Variants in PRKN observed in about 807,000 individuals in gnomAD.
PRKN encodes the protein parkin RBR E3 ubiquitin protein ligase.
A neutral mutation model predicts 59.5 loss-of-function variants in PRKN; 56 were observed. The ratio of observed to expected loss-of-function variants is 0.94; its 90% CI spans 0.76 to 1.18. The LOEUF is 1.18. PRKN is among the 50% of genes most tolerant of loss of function. The pLI is 0.00. For missense variants in PRKN, 657 were observed against 596.4 expected (o/e 1.10, Z -1.06); for synonymous variants, 250 against 222.1 (o/e 1.13, Z -1.12).
intron 1 of PRKN, among the ~76,000 whole-genome samples, chr6:162,564,260 G>A (rs573561588): frequency 4.9e-4 from 74 of 152,040 alleles, no homozygotes; most frequent in Non-Finnish European, 7.4e-4. Flanking sequence ...CAGAAGAATC[G>A]CTTGAATCAG....
At chr6:161,491,646 T>TTG (rs1777561015) in intron 9 of PRKN, among the ~76,000 whole-genome samples, 1 of 152,030 alleles carries the variant, frequency 6.6e-6, no homozygotes, top group African/African-American at 2.4e-5. Flanking sequence ...CTTTTTTTTT[T>TTG]TTGAGATGAA....
intron 1 of PRKN, among the ~76,000 whole-genome samples, chr6:162,501,762 G>A (rs1325649793): frequency 1.1e-4 from 17 of 152,192 alleles, no homozygotes; most frequent in Admixed American, 8.5e-4. Context: ...CAGAACCAAC[G>A]CTTACATTAA....
At chr6:162,438,411 T>C (rs1205089595) in intron 2 of PRKN, among the ~76,000 whole-genome samples, 2 of 152,184 alleles carry the variant, frequency 1.3e-5, no homozygotes, top group African/African-American at 4.8e-5. Flanking sequence ...CAAAATTCCT[T>C]TTTTTGTTGT....
intron 1 of PRKN, among the ~76,000 whole-genome samples, chr6:162,657,179 C>T (rs558808086): frequency 9.7e-4 from 147 of 152,276 alleles, no homozygotes; most frequent in African/African-American, 3.4e-3. Flanking sequence ...AAAATGAATA[C>T]ATTGATGCAA....
chr6:162,582,737 A>G (rs949771283), intron 1 of PRKN, among the ~76,000 whole-genome samples: 4 of 152,216 alleles, frequency 2.6e-5, no homozygotes, highest in Non-Finnish European at 5.9e-5. Flanking sequence ...CTAGGTACTC[A>G]GTGGGTCTCT....
At chr6:161,801,534 G>T (rs929090202) in intron 6 of PRKN, among the ~76,000 whole-genome samples, 6 of 152,182 alleles carry the variant, frequency 3.9e-5, no homozygotes, top group African/African-American at 1.4e-4. Flanking sequence ...TATAAACATC[G>T]AACAGTGTCA....
chr6:162,616,843 G>C (rs993712742), intron 1 of PRKN, among the ~76,000 whole-genome samples: 1 of 152,062 alleles, frequency 6.6e-6, no homozygotes. Context: ...AACATCAGCA[G>C]GAATAAGACT....
chr6:162,045,028 T>G (rs1582947574), intron 5 of PRKN, among the ~76,000 whole-genome samples: 1 of 152,180 alleles, frequency 6.6e-6, no homozygotes, highest in Admixed American at 6.5e-5. Flanking sequence ...TCCCAAACTA[T>G]GAAAGCAGTG....
intron 9 of PRKN, among the ~76,000 whole-genome samples, chr6:161,449,251 A>C (rs1438922270): frequency 6.6e-6 from 1 of 152,208 alleles, no homozygotes; most frequent in Non-Finnish European, 1.5e-5. Flanking sequence ...CCCACGATTT[A>C]GCATGTCCTC....
At position 161,651,402 on chromosome 6, in the gene PRKN, A is replaced by C. The variant is rs532925159; in HGVS notation, c.872-81986T>G. Among the ~76,000 whole-genome samples the C allele has an allele frequency of 9.8e-5, 15 of 152,316 alleles. No homozygotes were observed. The South Asian group carries it at 3.1e-3, about 32-fold the overall frequency. On this transcript the variant is annotated intron_variant, in intron 7 of 11. Transcript: ENST00000366898. ...GCTGTCAACCTGTATGTTCCTCCTGAATAAGTCCCTGAGGGTGGGAGCAGA... is the reference window on the plus strand; with the variant it reads ...GCTGTCAACCTGTATGTTCCTCCTGCATAAGTCCCTGAGGGTGGGAGCAGA...
intron 4 of PRKN, among the ~76,000 whole-genome samples, chr6:162,145,477 C>T (rs1254211316): frequency 6.6e-6 from 1 of 152,132 alleles, no homozygotes; most frequent in Non-Finnish European, 1.5e-5. Context: ...ATTATTGTTG[C>T]TAGTGGAGAG....
At chr6:162,305,211 A>G (rs9456762) in intron 2 of PRKN, among the ~76,000 whole-genome samples, 18,805 of 152,118 alleles carry the variant, frequency 0.12, 2,487 homozygotes, top group African/African-American at 0.34. Flanking sequence ...AAGTTTGCCA[A>G]TATGTCATGG....
intron 1 of PRKN, among the ~76,000 whole-genome samples, chr6:162,646,064 C>T (rs1413570738): frequency 1.3e-5 from 2 of 151,380 alleles, no homozygotes; most frequent in Non-Finnish European, 2.9e-5. Context: ...TTAGTAGAGA[C>T]GGTTTCACCG....
At chr6:162,600,066 C>T (rs940242552) in intron 1 of PRKN, among the ~76,000 whole-genome samples, 2 of 152,208 alleles carry the variant, frequency 1.3e-5, no homozygotes, top group Non-Finnish European at 2.9e-5. Context: ...CATTTATATA[C>T]CCATCTCATC....
chr6:161,597,182 G>A (rs890000971), intron 7 of PRKN, among the ~76,000 whole-genome samples: 3 of 152,118 alleles, frequency 2.0e-5, no homozygotes, highest in Admixed American at 6.5e-5. Context: ...AACACATGCC[G>A]AAAGGAGGAG....
At chr6:162,340,934 TAA>T (rs2128128154) in intron 2 of PRKN, among the ~76,000 whole-genome samples, 1 of 152,206 alleles carries the variant, frequency 6.6e-6, no homozygotes, top group East Asian at 1.9e-4. Flanking sequence ...CTAATTAAAC[TAA>T]AGAGCTTTGC....
At chr6:162,613,704 T>C (rs1782285161) in intron 1 of PRKN, among the ~76,000 whole-genome samples, 1 of 152,122 alleles carries the variant, frequency 6.6e-6, no homozygotes, top group African/African-American at 2.4e-5. Context: ...ATACACAAAT[T>C]TTGAAAGTCA....
chr6:161,975,844 C>T (rs949205800), intron 5 of PRKN, among the ~76,000 whole-genome samples: 6 of 152,134 alleles, frequency 3.9e-5, no homozygotes, highest in Admixed American at 1.3e-4. Context: ...GGTCGCTTAC[C>T]GTGTCTGAAA....
intron 2 of PRKN, among the ~76,000 whole-genome samples, chr6:162,291,032 C>T (rs940507056): frequency 3.3e-5 from 5 of 152,080 alleles, no homozygotes; most frequent in African/African-American, 9.7e-5. Context: ...AAGAAAGGAG[C>T]GATGTCATGG....
Sources: gnomAD v4.1 joint callset for allele counts (sites outside exome capture counted in the v4.1 genomes callset) on GRCh38, gnomAD v4.1.1 for gene constraint, MANE v1.5 for transcripts, NCBI Gene and HGNC (gene_info 2026-07-23, HGNC 2026-07-21) for gene names.